Variants in C6orf120 observed in about 807,000 individuals in gnomAD.
C6orf120 encodes chromosome 6 open reading frame 120.
For synonymous variants in C6orf120, 165 were observed against 123.1 expected (o/e 1.34, Z -2.25); for missense variants, 311 against 264.2 (o/e 1.18, Z -1.23).
chr6:169,702,991 A>G (rs763192513), exon 1 of C6orf120: 5 of 1,584,518 alleles, frequency 3.2e-6, no homozygotes, highest in African/African-American at 2.7e-5. Context: ...TCTCTGGACG[A>G]TATTAATTAG....
chr6:169,702,738 G>A, exon 1 of C6orf120: 2 of 1,613,494 alleles, frequency 1.2e-6, no homozygotes, highest in Non-Finnish European at 1.7e-6. Flanking sequence ...ACGACTACGA[G>A]CTGCAATCGG....
chr6:169,702,649 A>G, exon 1 of C6orf120: 2 of 1,613,410 alleles, frequency 1.2e-6, no homozygotes, highest in Non-Finnish European at 8.5e-7. Flanking sequence ...CCACGAGGGC[A>G]AGATAGTCCT....
In C6orf120 at chr6:169,703,067, TC is replaced by T. The variant is rs774733208; in HGVS notation, c.*34del. On this transcript the variant is annotated 3_prime_UTR_variant, in exon 1 of 1. Coordinates refer to ENST00000332290, the Ensembl canonical transcript of C6orf120. ...GACCACACTCTGGGATATAAAACCC[TC>T]CATCTGTGAAGCTGATTGCAGTTTG... is the stretch of plus-strand genomic sequence containing the variant. 44 of 1,530,242 alleles carry T rather than the reference TC, an allele frequency of 2.9e-5. 1 individual carries two copies. The Admixed American group carries it at 6.0e-4, about 21-fold the overall frequency. 94.8% of individuals were successfully genotyped at this position (1,530,242 alleles called of 1,614,324 possible).
chr6:169,705,423 A>G (rs1251583715), downstream of C6orf120: 6 of 831,146 alleles, frequency 7.2e-6, no homozygotes, highest in East Asian at 2.6e-5. Flanking sequence ...GAATGGCTAT[A>G]ATGTCAAATC....
exon 1 of C6orf120, chr6:169,702,752 C>T (rs2128326941): frequency 5.6e-6 from 9 of 1,613,410 alleles, no homozygotes; most frequent in South Asian, 1.1e-5. Flanking sequence ...CAATCGGCCA[C>T]CTGCGGCCCG....
exon 1 of C6orf120, chr6:169,702,262 C>T: frequency 1.4e-6 from 1 of 692,460 alleles, no homozygotes; most frequent in South Asian, 1.5e-5. Flanking sequence ...GGGCGCCGCG[C>T]TACGGGGGAG....
exon 1 of C6orf120, chr6:169,702,223 C>G (rs957981251): frequency 1.0e-5 from 7 of 680,896 alleles, no homozygotes; most frequent in East Asian, 2.8e-5. Flanking sequence ...CACAGCGGCC[C>G]TGCCCCTGCC....
At chr6:169,704,392 C>CA in exon 1 of C6orf120, 1 of 328,108 alleles carries the variant, frequency 3.0e-6, no homozygotes, top group South Asian at 1.3e-4. Flanking sequence ...TTCAAAAGGT[C>CA]AAAACCCATT....
chr6:169,702,674 T>G, exon 1 of C6orf120: 1 of 1,613,474 alleles, frequency 6.2e-7, no homozygotes, highest in Non-Finnish European at 8.5e-7. Context: ...ATGCGCAGCC[T>G]CAAGGGAGAT....
downstream of C6orf120, among the ~76,000 whole-genome samples, chr6:169,705,942 C>T (rs1788770624): frequency 6.6e-6 from 1 of 151,964 alleles, no homozygotes; most frequent in African/African-American, 2.4e-5. Flanking sequence ...AGCATGATCT[C>T]GTAAGATTAA....
chr6:169,704,904 A>G (rs1385343126), downstream of C6orf120: 2 of 400,992 alleles, frequency 5.0e-6, no homozygotes, highest in Admixed American at 4.3e-5. Context: ...CTATAGAACT[A>G]TACTTCCAAA....
In C6orf120 at chr6:169,702,416, G is replaced by T. The variant is rs1032556141; in HGVS notation, c.-44G>T. On this transcript the variant is annotated 5_prime_UTR_variant, in exon 1 of 1. Coordinates refer to ENST00000332290, the Ensembl canonical transcript of C6orf120. Reference sequence around the variant, plus strand: ...GTGCTGAGCGCCTCCGGTGTCCCCAGCAGCACTGACCCACTTGCAGGCCCC... The same window carrying T: ...GTGCTGAGCGCCTCCGGTGTCCCCATCAGCACTGACCCACTTGCAGGCCCC... 3.2e-6 allele frequency: 4 copies of T among 1,253,694 alleles called. No individual in the cohort carries two copies. In the Admixed American group the frequency reaches 6.5e-5, roughly 21 times the overall value. The allele number at this position is 1,253,694 out of a possible 1,614,324, so 77.7% of individuals were successfully genotyped here.
exon 1 of C6orf120, chr6:169,703,696 C>G: frequency 2.8e-6 from 1 of 362,876 alleles, no homozygotes; most frequent in Non-Finnish European, 5.1e-6. Context: ...AGGCCGGAAA[C>G]AATGTAGATT....
downstream of C6orf120, chr6:169,705,593 T>A (rs1562983861): frequency 2.5e-6 from 3 of 1,185,290 alleles, no homozygotes; most frequent in South Asian, 1.2e-5. Context: ...GTTAAAATTT[T>A]AAAAAGACAT....
At chr6:169,702,436 G>A (rs758307261) in exon 1 of C6orf120, 2 of 1,431,262 alleles carry the variant, frequency 1.4e-6, no homozygotes, top group African/African-American at 2.8e-5. Flanking sequence ...CCCACTTGCA[G>A]GCCCCGGAGC....
chr6:169,702,657 C>A (rs1199892579), exon 1 of C6orf120: 2 of 1,613,334 alleles, frequency 1.2e-6, no homozygotes, highest in South Asian at 1.1e-5. Context: ...GCAAGATAGT[C>A]CTCAGGATGC....
exon 1 of C6orf120, chr6:169,703,821 T>C (rs374882177): frequency 4.4e-4 from 250 of 567,384 alleles, no homozygotes; most frequent in African/African-American, 3.9e-3. Flanking sequence ...TAAAATACTT[T>C]GGAAGATGAA....
chr6:169,705,044 C>T, downstream of C6orf120: 1 of 942,360 alleles, frequency 1.1e-6, no homozygotes, highest in Non-Finnish European at 1.6e-6. Flanking sequence ...ACAAGCTCTT[C>T]ATGTCATGAT....
exon 1 of C6orf120, chr6:169,703,148 G>C: frequency 8.6e-7 from 1 of 1,167,998 alleles, no homozygotes; most frequent in East Asian, 2.6e-5. Context: ...TTAGTCAAGG[G>C]ATGGAAAAAT....
Sources: gnomAD v4.1 joint callset for allele counts (sites outside exome capture counted in the v4.1 genomes callset) on GRCh38, gnomAD v4.1.1 for gene constraint, MANE v1.5 for transcripts, NCBI Gene and HGNC (gene_info 2026-07-23, HGNC 2026-07-21) for gene names.